HTR3E: variants seen among roughly 807,000 people sequenced by gnomAD.
HTR3E encodes the protein 5-hydroxytryptamine (serotonin) receptor 3, family member E.
In HTR3E, 38 loss-of-function variants were observed where a neutral mutation model predicts 38.0. The ratio of observed to expected loss-of-function variants is 1.00; its 90% CI spans 0.77 to 1.31. The LOEUF is 1.31. Ranked by LOEUF, HTR3E falls within the 50% of genes most tolerant of loss-of-function variation. The probability of loss-of-function intolerance (pLI) is 0.00; values close to 1 mark genes in which losing one functional copy is unlikely to be tolerated. For synonymous variants in HTR3E, 210 were observed against 232.9 expected (o/e 0.90, Z 0.89); for missense variants, 547 against 585.2 (o/e 0.93, Z 0.67).
Position 184,100,684 on chromosome 3 carries a change from T to A in HTR3E, c.234+33T>A, listed in dbSNP as rs745452710. On this transcript the variant is annotated intron_variant, in intron 2 of 8. Transcript: ENST00000415389. The stretch of plus-strand genomic sequence containing the variant: ...CTGACCTCTCTAGCCCTCCTTGGTG[T>A]CCTTAACCTTTTTCCAGCCCCTGGC... 2.5e-6 allele frequency: 4 copies of A among 1,594,054 alleles called. No individual in the cohort carries two copies. The East Asian group carries it at 9.0e-5, about 36-fold the overall frequency.
Position 184,105,403 on chromosome 3 carries a change from C to A in HTR3E, c.696C>A (p.Asn232Lys), listed in dbSNP as rs757376555. 1.2e-6 allele frequency: 2 copies of A among 1,612,794 alleles called. No homozygotes were observed. Among genetic ancestry groups the A allele is most frequent in the East Asian group, 4.5e-5 (2 of 44,876 alleles). Residue 232 changes from asparagine (N) to lysine (K), a missense_variant, in exon 6 of 9, where the codon AAC (asparagine) becomes AAA (lysine). Coordinates refer to ENST00000415389, the MANE Select transcript of HTR3E (RefSeq NM_001256613.2). ...KATAKLSRGG[N>K]LYDQIVFYVA... ...CCGCAAAGTTGTCCAGGGGAGGCAACCTGTATGATCAGATCGTGTTCTATG... is the reference window on the plus strand; with the variant it reads ...CCGCAAAGTTGTCCAGGGGAGGCAAACTGTATGATCAGATCGTGTTCTATG...
At chr3:184,102,624 G>GTA (rs1197942039) in intron 3 of HTR3E, among the ~76,000 whole-genome samples, 20 of 146,256 alleles carry the variant, frequency 1.4e-4, no homozygotes, top group African/African-American at 4.6e-4. Context: ...AAAACTTAAA[G>GTA]TATATAAAAA....
At chr3:184,097,985 T>C (rs549607383) in intron 1 of HTR3E, among the ~76,000 whole-genome samples, 1 of 152,240 alleles carries the variant, frequency 6.6e-6, no homozygotes, top group Non-Finnish European at 1.5e-5. Context: ...TCCATCCATC[T>C]TTCTATCCAC....
At chr3:184,100,137 T>C in intron 1 of HTR3E, 1 of 1,347,878 alleles carries the variant, frequency 7.4e-7, no homozygotes, top group Non-Finnish European at 9.5e-7. Context: ...ATCTCATCCC[T>C]GGGGACGTAT....
rs1712386813 is a variant in HTR3E, at chr3:184,105,739, CTTACCA to C, written c.721-25_721-20del. The C allele has an allele frequency of 6.3e-7, 1 of 1,576,250 alleles. No homozygotes were observed. The highest frequency in any genetic ancestry group is 1.3e-5 in the African/African-American group (1 of 74,134). ...GAGGGTTCCTCTGACCCCATAACTA[CTTACCA>C]CCCTCTCCTACCCCACCAGGTGGCC... On this transcript the variant is annotated intron_variant, in intron 6 of 8. Coordinates refer to ENST00000415389, the MANE Select transcript of HTR3E (RefSeq NM_001256613.2).
At position 184,097,425 on chromosome 3, in the gene HTR3E, A is replaced by G. The variant is rs749969624; in HGVS notation, c.-105A>G. On this transcript the variant is annotated 5_prime_UTR_variant, in exon 1 of 9. An upstream start codon of the reference 5' UTR is lost. Coordinates refer to ENST00000415389, the MANE Select transcript of HTR3E (RefSeq NM_001256613.2). ...GGTTACAAATGTCAGTGGTCAACCA[A>G]TGCTATTAGTATTCAAAGTCAGACT... 5.3e-6 allele frequency: 4 copies of G among 759,466 alleles called. No homozygotes were observed. The highest frequency in any genetic ancestry group is 8.7e-6 in the Non-Finnish European group (4 of 458,030). The allele number at this position is 759,466 out of a possible 1,614,324, so 47.0% of individuals were successfully genotyped here. A position where few individuals can be genotyped will look rare whatever the true frequency, so the allele number is the denominator to read the frequency against.
At position 184,104,958 on chromosome 3, in the gene HTR3E, T is replaced by C; in HGVS notation, c.559+2T>C. 1 of 1,610,578 alleles carries C rather than the reference T, an allele frequency of 6.2e-7. No individual in the cohort carries two copies. Among genetic ancestry groups the C allele is most frequent in the Non-Finnish European group, 8.5e-7 (1 of 1,178,348 alleles). ...CCTTCAGCTCATTCCTCTACACAGG[T>C]AAGTTGCAGTGAGGTCTCAGGGATG... is the stretch of plus-strand genomic sequence containing the variant. On this transcript the variant is annotated splice_donor_variant, in intron 5 of 8. Transcript: ENST00000415389. LOFTEE classifies it high-confidence loss of function.
At chr3:184,098,608 T>G (rs1370498785) in intron 1 of HTR3E, among the ~76,000 whole-genome samples, 3 of 98,072 alleles carry the variant, frequency 3.1e-5, no homozygotes, top group African/African-American at 6.6e-5. Context: ...GTTTAAGAAT[T>G]TGCTGGAAAG....
chr3:184,103,351 C>T (rs1319184122), intron 3 of HTR3E, among the ~76,000 whole-genome samples: 2 of 152,050 alleles, frequency 1.3e-5, no homozygotes, highest in East Asian at 3.9e-4. Context: ...GGGTGGTGGC[C>T]GGGCGCGGTG....
chr3:184,105,550 CA>C, intron 6 of HTR3E, 123 bp downstream of exon 6: 1 of 1,165,024 alleles, frequency 8.6e-7, no homozygotes, highest in South Asian at 1.6e-5. Context: ...CCTGGCTTCC[CA>C]GCCTCATTCT....
chr3:184,105,628 G>T lies in HTR3E; in HGVS notation c.721-137G>T, dbSNP rs1252515313. 4.3e-6 allele frequency: 4 copies of T among 927,054 alleles called. No individual in the cohort carries two copies. In the Admixed American group the frequency reaches 9.1e-5, roughly 21 times the overall value. The allele number at this position is 927,054 out of a possible 1,614,324, so 57.4% of individuals were successfully genotyped here. On this transcript the variant is annotated intron_variant, in intron 6 of 8. Coordinates refer to ENST00000415389, the MANE Select transcript of HTR3E (RefSeq NM_001256613.2). ...AGGTTCTATACCAGATTCTAAAGCT[G>T]CATTCCCCACAGCTCCAGATCCCAG...
intron 1 of HTR3E, chr3:184,100,276 AG>A: frequency 1.4e-6 from 2 of 1,380,204 alleles, no homozygotes; most frequent in Non-Finnish European, 2.0e-6. Context: ...ATGAGGGTAA[AG>A]CAGTATCTAC....
intron 1 of HTR3E, among the ~76,000 whole-genome samples, chr3:184,099,950 A>G (rs1484014688): frequency 6.6e-6 from 1 of 152,018 alleles, no homozygotes; most frequent in Admixed American, 6.6e-5. Flanking sequence ...CAGTTTGCAT[A>G]TAGATTTGGG....
chr3:184,105,052 G>T, intron 5 of HTR3E, 96 bp downstream of exon 5: 1 of 1,312,722 alleles, frequency 7.6e-7, no homozygotes, highest in East Asian at 2.3e-5. Context: ...GTATGGGTGG[G>T]GAGAAGAATA....
Position 184,106,322 on chromosome 3 carries a change from C to G in HTR3E, c.1120C>G (p.Leu374Val), listed in dbSNP as rs765048444. Residue 374 changes from leucine (L) to valine (V), a missense_variant, in exon 8 of 9, where the codon CTC (leucine) becomes GTC (valine). Leu to Val is a conservative substitution (Grantham distance 32). Transcript: ENST00000415389. The surrounding 1 kb of genome is among the most constrained non-coding windows in gnomAD (Gnocchi z 4.1). ...CCAGAAGGAAAATAAGGGCCCGGGT[C>G]TCACCCCCACCCACCTGCCCGGTGA... is the stretch of plus-strand genomic sequence containing the variant. ...APQKENKGPG[L>V]TPTHLPGVKE... The G allele has an allele frequency of 8.7e-6, 14 of 1,612,348 alleles. No homozygotes were observed. Among genetic ancestry groups the G allele is most frequent in the Admixed American group, 6.7e-5 (4 of 59,756 alleles).
chr3:184,101,242 G>A (rs929463495), intron 2 of HTR3E, among the ~76,000 whole-genome samples: 10 of 152,144 alleles, frequency 6.6e-5, no homozygotes, highest in African/African-American at 2.2e-4. Context: ...CGGCCACATC[G>A]ATATTTTTAA....
At chr3:184,103,379 C>T (rs1177525359) in intron 3 of HTR3E, among the ~76,000 whole-genome samples, 2 of 152,168 alleles carry the variant, frequency 1.3e-5, no homozygotes, top group East Asian at 1.9e-4. Flanking sequence ...CCTGTAATCC[C>T]AGCACTTTGG....
In HTR3E at chr3:184,106,217, C is replaced by G; in HGVS notation, c.1015C>G (p.Gln339Glu). Residue 339 changes from glutamine (Q) to glutamate (E), a missense_variant, in exon 8 of 9, where the codon CAG becomes GAG. Transcript: ENST00000415389. The surrounding 1 kb of genome is among the most constrained non-coding windows in gnomAD (Gnocchi z 4.1). Reference sequence around the variant, plus strand: ...CCACCTGCTGCACGTGGCCACCACCCAGCCCCCACCCCTGCCTCGGTGGCT... The same window carrying G: ...CCACCTGCTGCACGTGGCCACCACCGAGCCCCCACCCCTGCCTCGGTGGCT... Reference protein sequence around the residue: ...ITHLLHVATTQPPPLPRWLHS... With the variant: ...ITHLLHVATTEPPPLPRWLHS... 6.2e-7 allele frequency: 1 copy of G among 1,612,878 alleles called. No individual in the cohort carries two copies. The highest frequency in any genetic ancestry group is 8.5e-7 in the Non-Finnish European group (1 of 1,180,010).
intron 1 of HTR3E, among the ~76,000 whole-genome samples, chr3:184,099,756 A>G (rs1175766564): frequency 6.7e-6 from 1 of 150,168 alleles, no homozygotes; most frequent in African/African-American, 2.5e-5. Flanking sequence ...AAATATGCAC[A>G]ATTATTATAT....
Sources: allele counts gnomAD v4.1 joint callset (sites outside exome capture counted in the v4.1 genomes callset), GRCh38; gene constraint gnomAD v4.1.1; non-coding constraint Gnocchi (gnomAD v3.1); transcripts MANE v1.5; gene names NCBI Gene and HGNC (gene_info 2026-07-23, HGNC 2026-07-21).